The following AGMO variants were observed in gnomAD, a reference collection of about 807,000 sequenced individuals.
AGMO encodes the protein alkylglycerol monooxygenase, also known as glyceryl-ether monooxygenase.
In AGMO, 75 loss-of-function variants were observed where a neutral mutation model predicts 60.2. That is an observed-to-expected ratio of 1.25 (90% CI 1.03 to 1.51). The LOEUF (loss-of-function observed/expected upper bound fraction) is 1.51, where lower values mean the gene tolerates loss of function less well. AGMO is among the 40% of genes most tolerant of loss of function. AGMO has a pLI of 0.00. For synonymous variants in AGMO, 261 were observed against 177.1 expected (o/e 1.47, Z -3.76); for missense variants, 763 against 525.5 (o/e 1.45, Z -4.42).
At chr7:15,364,211 C>T (rs905064990) in intron 12 of AGMO, among the ~76,000 whole-genome samples, 6 of 151,888 alleles carry the variant, frequency 4.0e-5, no homozygotes, top group African/African-American at 9.7e-5. Flanking sequence ...GAATCTTCTG[C>T]TTCTTCCTTT....
chr7:15,407,727 T>G (rs566796352), intron 5 of AGMO, among the ~76,000 whole-genome samples: 5 of 152,002 alleles, frequency 3.3e-5, no homozygotes, highest in African/African-American at 1.2e-4. Flanking sequence ...TATATTTGTA[T>G]GTTTAAAATG....
chr7:15,215,929 T>C (rs1781723707), intron 12 of AGMO, among the ~76,000 whole-genome samples: 1 of 152,080 alleles, frequency 6.6e-6, no homozygotes, highest in South Asian at 2.1e-4. Flanking sequence ...GTGATACATT[T>C]TTAAAAACCC....
intron 4 of AGMO, among the ~76,000 whole-genome samples, chr7:15,427,742 G>C (rs974552902): frequency 1.3e-5 from 2 of 151,896 alleles, no homozygotes; most frequent in African/African-American, 4.8e-5. Context: ...CATGATAGTA[G>C]GATGTATAAT....
At chr7:15,397,695 T>G (rs139695365) in intron 5 of AGMO, among the ~76,000 whole-genome samples, 282 of 152,358 alleles carry the variant, frequency 1.9e-3, no homozygotes, top group African/African-American at 6.2e-3. Flanking sequence ...CCATGAGAGA[T>G]ATATTTTGGC....
chr7:15,533,011 C>CA (rs1303491878), intron 3 of AGMO, among the ~76,000 whole-genome samples: 1 of 152,008 alleles, frequency 6.6e-6, no homozygotes, highest in African/African-American at 2.4e-5. Context: ...ACAAAACAAA[C>CA]AAAAAATCTT....
At chr7:15,475,069 T>C (rs1292231647) in intron 3 of AGMO, among the ~76,000 whole-genome samples, 2 of 152,078 alleles carry the variant, frequency 1.3e-5, no homozygotes, top group African/African-American at 4.8e-5. Flanking sequence ...TGTAGAGAAA[T>C]AGGAACGCAT....
rs548611992 is a variant in AGMO at position 15,497,820 on chromosome 7, C to T, written c.409+46952G>A. ...TTTTTGGGTCCATCTCTAAGATATT[C>T]CTATAGATTGGGTTGGATAAGCTGA... On this transcript the variant is annotated intron_variant, in intron 3 of 12. Transcript: ENST00000342526. Among the ~76,000 whole-genome samples, 12 of 152,054 alleles carry T rather than the reference C, an allele frequency of 7.9e-5. No individual in the cohort carries two copies. The South Asian group carries it at 2.3e-3, about 29-fold the overall frequency.
At chr7:15,196,268 C>T (rs1040719685), downstream of AGMO, among the ~76,000 whole-genome samples, 1 of 151,844 alleles carries the variant, frequency 6.6e-6, no homozygotes, top group Admixed American at 6.6e-5. Context: ...AGGCTGGTCT[C>T]GAACTCCTGA....
intron 3 of AGMO, among the ~76,000 whole-genome samples, chr7:15,456,903 G>A (rs1782012629): frequency 6.6e-6 from 1 of 152,062 alleles, no homozygotes; most frequent in Admixed American, 6.6e-5. Context: ...CAATGTTGTT[G>A]GGGGTTAATG....
the AGMO span, among the ~76,000 whole-genome samples, chr7:15,132,366 A>G: frequency 6.6e-6 from 1 of 152,174 alleles, no homozygotes. Context: ...AAATGATATC[A>G]GCTAATAGTG....
intron 10 of AGMO, 96 bp from the exon 11 acceptor site, chr7:15,366,318 C>T: frequency 1.3e-6 from 1 of 751,058 alleles, no homozygotes; most frequent in Non-Finnish European, 2.2e-6. Flanking sequence ...AATTTTATGT[C>T]CTGTTGCACC....
intron 4 of AGMO, 33 bp from the exon 5 acceptor site, chr7:15,418,686 C>T: frequency 7.6e-7 from 1 of 1,315,806 alleles, no homozygotes; most frequent in Non-Finnish European, 1.1e-6. Flanking sequence ...AATTAATTTG[C>T]ATATATGAAT....
At chr7:15,333,633 A>G (rs1781566262) in intron 12 of AGMO, among the ~76,000 whole-genome samples, 1 of 151,546 alleles carries the variant, frequency 6.6e-6, no homozygotes, top group Admixed American at 6.6e-5. Flanking sequence ...GAAAAAAAAT[A>G]AAAAGAATGT....
chr7:15,300,236 G>A (rs1784528026), intron 12 of AGMO, among the ~76,000 whole-genome samples: 1 of 151,976 alleles, frequency 6.6e-6, no homozygotes, highest in African/African-American at 2.4e-5. Context: ...AGCACAGTGA[G>A]GGAAGTGCTG....
rs1783118944 is a variant in AGMO, at chr7:15,493,297, T to A, written c.409+51475A>T. Among the ~76,000 whole-genome samples the A allele has an allele frequency of 2.8e-5, 4 of 143,236 alleles. No individual in the cohort carries two copies. The South Asian group carries it at 8.8e-4, about 32-fold the overall frequency. The allele number at this position is 143,236 out of a possible 152,430, so 94.0% of individuals were successfully genotyped here. A position where few individuals can be genotyped will look rare whatever the true frequency, so the allele number is the denominator to read the frequency against. The stretch of plus-strand genomic sequence containing the variant: ...TCATTCTTTCTTTCTCTGTCTCTAC[T>A]ACCCACACACGGACACACACGCGCA... On this transcript the variant is annotated intron_variant, in intron 3 of 12. Transcript: ENST00000342526.
intron 12 of AGMO, among the ~76,000 whole-genome samples, chr7:15,277,141 C>G (rs1397510097): frequency 1.3e-5 from 2 of 151,858 alleles, no homozygotes; most frequent in Non-Finnish European, 2.9e-5. Flanking sequence ...AACCCTATCT[C>G]TAGTAAAAAT....
chr7:15,536,579 T>C (rs1187128467), intron 3 of AGMO, among the ~76,000 whole-genome samples: 1 of 151,862 alleles, frequency 6.6e-6, no homozygotes, highest in African/African-American at 2.4e-5. Flanking sequence ...TGATTCACAA[T>C]AGAATAAACA....
intron 12 of AGMO, among the ~76,000 whole-genome samples, chr7:15,304,295 C>A (rs887878268): frequency 2.0e-5 from 3 of 152,040 alleles, no homozygotes; most frequent in Non-Finnish European, 4.4e-5. Context: ...TCTCTCGATC[C>A]CCTCAACTCC....
Position 15,431,025 on chromosome 7 carries a change from G to C in AGMO, c.493C>G (p.Leu165Val). 1.2e-6 allele frequency: 2 copies of C among 1,603,292 alleles called. No homozygotes were observed. The highest frequency in any genetic ancestry group is 1.7e-6 in the Non-Finnish European group (2 of 1,173,086). Residue 165 changes from leucine to valine, a missense_variant, in exon 4 of 13, where the codon CTC (leucine) becomes GTC (valine). By Grantham distance (32) the Leu-to-Val change is conservative. Transcript: ENST00000342526. The part of the protein sequence containing the change: ...NLSTALRQSV[L>V]QIYTSWIFYS... ...CTTACCCAGGAAGTATATATCTGGAGGACAGACTGTCTCAGTGCTGTGGAT... is the reference window on the plus strand; with the variant it reads ...CTTACCCAGGAAGTATATATCTGGACGACAGACTGTCTCAGTGCTGTGGAT...
Sources: gnomAD v4.1 joint callset for allele counts (sites outside exome capture counted in the v4.1 genomes callset) on GRCh38, gnomAD v4.1.1 for gene constraint, MANE v1.5 for transcripts, NCBI Gene and HGNC (gene_info 2026-07-23, HGNC 2026-07-21) for gene names.